The following NUP58 variants were observed in gnomAD, a reference collection of about 807,000 sequenced individuals.
The protein encoded by NUP58 is nucleoporin 58, also known as nucleoporin p58/p45.
NUP58 carries 17 observed loss-of-function variants against 70.1 expected under a neutral mutation model. The ratio of observed to expected loss-of-function variants is 0.24; its 90% CI spans 0.17 to 0.36. The LOEUF (loss-of-function observed/expected upper bound fraction) is 0.36, where lower values mean the gene tolerates loss of function less well. NUP58 is among the 10% of genes least tolerant of loss of function. The pLI is 1.00. For synonymous variants in NUP58, 275 were observed against 257.6 expected (o/e 1.07, Z -0.65); for missense variants, 644 against 701.5 (o/e 0.92, Z 0.93).
In NUP58 at chr13:25,332,895, A is replaced by G. The variant is rs977501010; in HGVS notation, c.1435+1337A>G. The stretch of plus-strand genomic sequence containing the variant: ...ATAATTATGACCATCAGCTCTCATG[A>G]TTACCTAACCAGTTAATCAAACCAA... On this transcript the variant is annotated intron_variant, in intron 13 of 15. Coordinates refer to ENST00000381736, the MANE Select transcript of NUP58 (RefSeq NM_014089.4). 7 of 985,320 alleles carry G rather than the reference A, an allele frequency of 7.1e-6. No homozygotes were observed. The African/African-American group carries it at 1.2e-4, about 17-fold the overall frequency. The allele number at this position is 985,320 out of a possible 1,614,324, so 61.0% of individuals were successfully genotyped here. A position where few individuals can be genotyped will look rare whatever the true frequency, so the allele number is the denominator to read the frequency against.
chr13:25,318,889 A>G (rs1395353049), intron 6 of NUP58, among the ~76,000 whole-genome samples: 1 of 152,242 alleles, frequency 6.6e-6, no homozygotes, highest in Non-Finnish European at 1.5e-5. Context: ...TGTCAGGTAA[A>G]GTTATCAGGA....
chr13:25,333,826 A>G (rs764319483), intron 13 of NUP58: 15 of 985,410 alleles, frequency 1.5e-5, no homozygotes, highest in Non-Finnish European at 1.8e-5. Context: ...ATGAGGGTAG[A>G]GAGAGCTTAT....
chr13:25,325,628 C>A (rs2031365326), intron 10 of NUP58, among the ~76,000 whole-genome samples: 1 of 152,192 alleles, frequency 6.6e-6, no homozygotes, highest in Non-Finnish European at 1.5e-5. Flanking sequence ...TCATATTTCA[C>A]AAGATCTCTG....
intron 13 of NUP58, 77 bp from the exon 14 acceptor site, chr13:25,336,859 T>A (rs369531376): frequency 1.1e-6 from 1 of 873,856 alleles, no homozygotes; most frequent in East Asian, 2.7e-5. Flanking sequence ...AATAATTTCA[T>A]AAAGAATCTT....
chr13:25,327,581 T>G, intron 12 of NUP58, 69 bp downstream of exon 12: 1 of 993,942 alleles, frequency 1.0e-6, no homozygotes. Context: ...TGGGGACAAA[T>G]GTGTCCATGC....
intron 1 of NUP58, among the ~76,000 whole-genome samples, chr13:25,303,444 CTT>C (rs66496714): frequency 6.8e-6 from 1 of 146,778 alleles, no homozygotes; most frequent in African/African-American, 2.5e-5. Context: ...TTTTCTATTT[CTT>C]TTTTTTTTTA....
intron 1 of NUP58, among the ~76,000 whole-genome samples, chr13:25,307,465 C>T (rs571362438): frequency 8.5e-5 from 13 of 152,128 alleles, no homozygotes; most frequent in Admixed American, 3.3e-4. Context: ...CCACCTGCCT[C>T]GGCCTCCCAA....
At chr13:25,319,752 C>T (rs1427415497) in intron 7 of NUP58, among the ~76,000 whole-genome samples, 1 of 152,012 alleles carries the variant, frequency 6.6e-6, no homozygotes, top group Non-Finnish European at 1.5e-5. Flanking sequence ...GAATAGCCTC[C>T]ATATACATCA....
At chr13:25,321,574 T>C (rs2031187716) in intron 9 of NUP58, among the ~76,000 whole-genome samples, 1 of 152,210 alleles carries the variant, frequency 6.6e-6, no homozygotes, top group Non-Finnish European at 1.5e-5. Flanking sequence ...TATATCATGC[T>C]GTGTGGATAT....
chr13:25,326,009 G>A (rs191520122), intron 10 of NUP58, among the ~76,000 whole-genome samples: 83 of 152,120 alleles, frequency 5.5e-4, no homozygotes, highest in African/African-American at 1.4e-3. Flanking sequence ...CATTCTATGT[G>A]TGTATATACA....
At chr13:25,332,188 T>C in intron 13 of NUP58, 1 of 986,102 alleles carries the variant, frequency 1.0e-6, no homozygotes, top group Non-Finnish European at 1.2e-6. Context: ...TGTTTTGAGA[T>C]GTGGATTGCA....
At chr13:25,335,974 TTA>T in intron 13 of NUP58, 2 of 1,109,502 alleles carry the variant, frequency 1.8e-6, no homozygotes, top group Non-Finnish European at 1.1e-6. Flanking sequence ...CTGCTTAGTT[TTA>T]AAAAAAAAAA....
intron 1 of NUP58, among the ~76,000 whole-genome samples, chr13:25,302,552 C>T (rs2030077915): frequency 6.6e-6 from 1 of 152,110 alleles, no homozygotes; most frequent in African/African-American, 2.4e-5. Context: ...TGTTTTTGTG[C>T]AACCCATTAG....
chr13:25,331,880 T>C, intron 13 of NUP58: 1 of 1,130,322 alleles, frequency 8.8e-7, no homozygotes, highest in African/African-American at 1.6e-5. Flanking sequence ...TCTGAAATCA[T>C]GACTGTACCA....
At chr13:25,305,918 T>C (rs151148707) in intron 1 of NUP58, among the ~76,000 whole-genome samples, 1 of 152,258 alleles carries the variant, frequency 6.6e-6, no homozygotes, top group East Asian at 1.9e-4. Context: ...AGTACAGTTA[T>C]TTGTGTTGTT....
chr13:25,336,928 T>C lies in NUP58; in HGVS notation c.1436-8T>C. ...TTCCCCCCCATTTTTTTTTTTTTTT[T>C]ATACCAGGGCCACAGCCATCTCTGG... On this transcript the variant is annotated splice_polypyrimidine_tract_variant and splice_region_variant and intron_variant, in intron 13 of 15. Coordinates refer to ENST00000381736, the MANE Select transcript of NUP58 (RefSeq NM_014089.4). 6.5e-7 allele frequency: 1 copy of C among 1,536,316 alleles called. No individual in the cohort carries two copies. The highest frequency in any genetic ancestry group is 8.7e-7 in the Non-Finnish European group (1 of 1,144,304).
intron 15 of NUP58, among the ~76,000 whole-genome samples, chr13:25,339,300 T>C (rs1389915436): frequency 6.6e-6 from 1 of 152,202 alleles, no homozygotes; most frequent in Non-Finnish European, 1.5e-5. Context: ...AAATACCATA[T>C]CTAATGTAAT....
intron 8 of NUP58, 78 bp from the exon 9 acceptor site, chr13:25,320,841 T>C (rs1309926346): frequency 1.1e-5 from 10 of 934,640 alleles, no homozygotes. Context: ...ACACTTGGAC[T>C]GTTTTAAGTA....
chr13:25,327,091 G>A (rs2031424567), intron 11 of NUP58, 57 bp downstream of exon 11: 1 of 997,042 alleles, frequency 1.0e-6, no homozygotes, highest in Non-Finnish European at 1.5e-6. Context: ...AGATAGATGT[G>A]GTTATATAAT....
Sources: allele counts gnomAD v4.1 joint callset (sites outside exome capture counted in the v4.1 genomes callset), GRCh38; gene constraint gnomAD v4.1.1; transcripts MANE v1.5; gene names NCBI Gene and HGNC (gene_info 2026-07-23, HGNC 2026-07-21).